GABRA3: variants seen among roughly 807,000 people sequenced by gnomAD.
The protein encoded by GABRA3 is gamma-aminobutyric acid receptor subunit alpha-3.
In GABRA3, 10 loss-of-function variants were observed where a neutral mutation model predicts 30.1. That is an observed-to-expected ratio of 0.33 (90% CI 0.20 to 0.56). GABRA3 has a LOEUF of 0.56. Among genes scored for constraint, GABRA3 ranks in the 20% least tolerant of loss-of-function variants. GABRA3 has a pLI of 0.89. For missense variants in GABRA3, 233 were observed against 392.0 expected, an observed-to-expected ratio of 0.59 and a Z score of 3.42; for synonymous variants, 151 against 146.8, an observed-to-expected ratio of 1.03 and a Z score of -0.21.
intron 2 of GABRA3, among the ~76,000 whole-genome samples, chrX:152,351,839 T>C (rs373003159): frequency 2.0e-4 from 22 of 111,068 alleles, no homozygotes; most frequent in Admixed American, 1.3e-3. Flanking sequence ...TTAGAGGCTA[T>C]ATAGGGCTAC....
intron 1 of GABRA3, among the ~76,000 whole-genome samples, chrX:152,450,408 T>C (rs1181894347): frequency 9.6e-6 from 1 of 104,451 alleles, no homozygotes; most frequent in Non-Finnish European, 1.9e-5. Context: ...TCTCAATCTC[T>C]GATCTAGGAT....
chrX:152,366,811 T>C (rs965786476), intron 1 of GABRA3, among the ~76,000 whole-genome samples: 8 of 111,513 alleles, frequency 7.2e-5, no homozygotes, highest in African/African-American at 2.6e-4. Context: ...ATAGCAACCA[T>C]ACTATAGGAA....
At chrX:152,368,798 T>C (rs866341422) in intron 1 of GABRA3, among the ~76,000 whole-genome samples, 46 of 98,824 alleles carry the variant, frequency 4.7e-4, no homozygotes, top group South Asian at 1.1e-3. Flanking sequence ...CTCTGCCTCC[T>C]GGGTTCACAC....
intron 1 of GABRA3, among the ~76,000 whole-genome samples, chrX:152,427,475 T>C (rs1448765616): frequency 8.9e-6 from 1 of 112,195 alleles, no homozygotes; most frequent in East Asian, 2.8e-4. Flanking sequence ...CAAACAGCTA[T>C]AGATCTTTAC....
intron 6 of GABRA3, among the ~76,000 whole-genome samples, chrX:152,210,296 A>G (rs112721782): frequency 0.024 from 2,710 of 111,913 alleles, 86 homozygotes; most frequent in African/African-American, 0.082. Flanking sequence ...AAATTCTCCC[A>G]TCTTGTTTAA....
At chrX:152,198,744 T>C (rs796321828) in intron 7 of GABRA3, among the ~76,000 whole-genome samples, 2 of 112,057 alleles carry the variant, frequency 1.8e-5, no homozygotes, top group South Asian at 7.5e-4. Flanking sequence ...ACTTCTTTTT[T>C]CTGTCTCACT....
chrX:152,372,396 T>C (rs904040758), intron 1 of GABRA3, among the ~76,000 whole-genome samples: 17 of 111,995 alleles, frequency 1.5e-4, no homozygotes, highest in African/African-American at 5.2e-4. Flanking sequence ...TTGTACTTGC[T>C]CTTTCCTCTG....
chrX:152,426,487 G>C, intron 1 of GABRA3, among the ~76,000 whole-genome samples: 1 of 111,525 alleles, frequency 9.0e-6, no homozygotes. Context: ...AGAGTTAGTT[G>C]CAAGTCTCTA....
At chrX:152,328,693 T>C (rs1214592882) in intron 3 of GABRA3, among the ~76,000 whole-genome samples, 2 of 111,594 alleles carry the variant, frequency 1.8e-5, no homozygotes, top group Non-Finnish European at 3.8e-5. Context: ...ATTGATGGAA[T>C]GTATCTCAAA....
chrX:152,364,291 C>A (rs912336774), intron 2 of GABRA3, 140 bp downstream of exon 2: 2 of 552,336 alleles, frequency 3.6e-6, no homozygotes, highest in Admixed American at 7.1e-5. Flanking sequence ...GAGCCTATGA[C>A]TTTTTTCTAA....
At chrX:152,278,100 T>A (rs1360242423) in intron 4 of GABRA3, among the ~76,000 whole-genome samples, 1 of 112,223 alleles carries the variant, frequency 8.9e-6, no homozygotes, top group African/African-American at 3.2e-5. Flanking sequence ...TCAGATGTAT[T>A]TAGTCCATGA....
chrX:152,310,751 C>T (rs1940792855), intron 3 of GABRA3, among the ~76,000 whole-genome samples: 1 of 110,312 alleles, frequency 9.1e-6, no homozygotes, highest in African/African-American at 3.3e-5. Context: ...AAAAAACATT[C>T]AAAAGATCCA....
chrX:152,279,838 G>T (rs1483191687), intron 4 of GABRA3, among the ~76,000 whole-genome samples: 7 of 111,341 alleles, frequency 6.3e-5, no homozygotes, highest in Admixed American at 3.8e-4. Context: ...TCCCTTGCAA[G>T]TTGGATTCCT....
chrX:152,254,504 T>A (rs1437974777), intron 5 of GABRA3, among the ~76,000 whole-genome samples: 2 of 110,325 alleles, frequency 1.8e-5, no homozygotes, highest in African/African-American at 3.3e-5. Flanking sequence ...TTGACCCTCA[T>A]CTTCCCACTT....
chrX:152,199,283 G>A (rs1310612253), intron 7 of GABRA3, among the ~76,000 whole-genome samples: 10 of 104,899 alleles, frequency 9.5e-5, no homozygotes, highest in Non-Finnish European at 1.4e-4. Flanking sequence ...GGAGAATGGC[G>A]TGAACCCAGG....
intron 2 of GABRA3, among the ~76,000 whole-genome samples, chrX:152,350,195 C>T (rs1268111922): frequency 8.6e-5 from 9 of 104,991 alleles, no homozygotes; most frequent in African/African-American, 2.5e-4. Context: ...ACAACCTGCT[C>T]CTGAATGACT....
chrX:152,437,924 G>T (rs1930818650), intron 1 of GABRA3, among the ~76,000 whole-genome samples: 1 of 111,600 alleles, frequency 9.0e-6, no homozygotes, highest in Admixed American at 9.5e-5. Context: ...GACAAAATAG[G>T]GGAAAAGAAA....
chrX:152,416,462 G>C (rs1318035499), intron 1 of GABRA3, among the ~76,000 whole-genome samples: 22 of 108,990 alleles, frequency 2.0e-4, no homozygotes, highest in Admixed American at 2.0e-3. Flanking sequence ...GTAATTTACA[G>C]ATTCAATGCC....
At chrX:152,314,208 T>G (rs1682209125) in intron 3 of GABRA3, among the ~76,000 whole-genome samples, 1 of 111,830 alleles carries the variant, frequency 8.9e-6, no homozygotes, top group Admixed American at 9.5e-5. Flanking sequence ...CTTCTCCTGT[T>G]GCATTTATCA....
Sources: allele counts gnomAD v4.1 joint callset (sites outside exome capture counted in the v4.1 genomes callset), GRCh38; gene constraint gnomAD v4.1.1; transcripts MANE v1.5; gene names NCBI Gene and HGNC (gene_info 2026-07-23, HGNC 2026-07-21).